The following ACVR1 variants were observed in gnomAD, a reference collection of about 807,000 sequenced individuals.
ACVR1 encodes the protein activin A receptor type 1, also known as activin receptor type-1.
Under a neutral mutation model 57.1 loss-of-function variants are expected in ACVR1, and 38 were observed. The observed-to-expected ratio is 0.67, with a 90% confidence interval of 0.51 to 0.87. ACVR1 has a LOEUF of 0.87. Ranked by LOEUF, ACVR1 falls within the 40% of genes least tolerant of loss-of-function variation. The probability of loss-of-function intolerance (pLI) is 0.00; values close to 1 mark genes in which losing one functional copy is unlikely to be tolerated. For synonymous variants in ACVR1, 212 were observed against 228.1 expected (o/e 0.93, Z 0.63); for missense variants, 463 against 638.2 (o/e 0.73, Z 2.96).
At chr2:157,853,690 ATAAG>A (rs1689405345) in intron 1 of ACVR1, among the ~76,000 whole-genome samples, 1 of 152,178 alleles carries the variant, frequency 6.6e-6, no homozygotes, top group African/African-American at 2.4e-5. Flanking sequence ...TTAGGAAGCA[ATAAG>A]TAGTCTTCAT....
chr2:157,834,667 A>G (rs958885751), intron 1 of ACVR1, among the ~76,000 whole-genome samples: 4 of 152,162 alleles, frequency 2.6e-5, no homozygotes, highest in African/African-American at 9.7e-5. Context: ...TCATATATAC[A>G]TATATAAAAA....
chr2:157,840,192 G>C (rs1376171690), intron 1 of ACVR1, among the ~76,000 whole-genome samples: 1 of 152,164 alleles, frequency 6.6e-6, no homozygotes, highest in Non-Finnish European at 1.5e-5. Context: ...GAAGTGGAGG[G>C]GAAATAACAG....
intron 2 of ACVR1, among the ~76,000 whole-genome samples, chr2:157,813,421 C>T (rs1272492742): frequency 2.0e-5 from 3 of 152,174 alleles, no homozygotes; most frequent in Non-Finnish European, 2.9e-5. Flanking sequence ...TTCTTTCCTT[C>T]TTCTTGGGTA....
intron 1 of ACVR1, chr2:157,874,775 G>A (rs755438427): frequency 7.2e-5 from 11 of 152,058 alleles, no homozygotes; most frequent in Non-Finnish European, 1.2e-4. Flanking sequence ...TGTATGGAAC[G>A]GGCCCCTTTG....
chr2:157,865,508 T>C (rs546115615), intron 1 of ACVR1, among the ~76,000 whole-genome samples: 10 of 152,066 alleles, frequency 6.6e-5, no homozygotes, highest in African/African-American at 2.4e-4. Context: ...GACAGACAGA[T>C]AGGCAGGGCG....
At chr2:157,794,342 T>A (rs1033349645) in intron 3 of ACVR1, among the ~76,000 whole-genome samples, 5 of 152,046 alleles carry the variant, frequency 3.3e-5, no homozygotes, top group African/African-American at 9.7e-5. Flanking sequence ...ATAATGAACA[T>A]GAAAAATGAT....
intron 2 of ACVR1, chr2:157,807,036 G>T (rs556471681): frequency 1.3e-5 from 2 of 152,252 alleles, no homozygotes; most frequent in South Asian, 4.1e-4. Flanking sequence ...TTTCAGGAAA[G>T]AATGGGTTTT....
chr2:157,791,325 A>G (rs1686903966), intron 3 of ACVR1, among the ~76,000 whole-genome samples: 1 of 152,200 alleles, frequency 6.6e-6, no homozygotes, highest in Non-Finnish European at 1.5e-5. Context: ...CAAACTCATA[A>G]TAAATTATTT....
chr2:157,852,021 A>G (rs1277928342), intron 1 of ACVR1, among the ~76,000 whole-genome samples: 1 of 151,768 alleles, frequency 6.6e-6, no homozygotes, highest in African/African-American at 2.4e-5. Flanking sequence ...CAGGCTGAAG[A>G]GGCAAGAGCA....
intron 9 of ACVR1, among the ~76,000 whole-genome samples, chr2:157,742,771 AG>A (rs1684827775): frequency 1.3e-5 from 2 of 152,296 alleles, no homozygotes; most frequent in South Asian, 4.1e-4. Flanking sequence ...TCAAATGTCC[AG>A]AAACAAGTCC....
rs7570565 is a variant in ACVR1 at position 157,767,877 on chromosome 2, C to T, written c.791-1681G>A. On this transcript the variant is annotated intron_variant, in intron 7 of 10. Coordinates refer to ENST00000434821, the MANE Select transcript of ACVR1 (RefSeq NM_001111067.4). ...TCCCCTATTTGATCATCATCATCAT[C>T]GGCAACCACAACAGAGGCAGCTAAT... 8.3e-3 allele frequency among the ~76,000 whole-genome samples: 1,259 copies of T among 152,216 alleles called. 8 individuals are homozygous for T. The highest frequency in any genetic ancestry group is 0.027 in the African/African-American group (1,131 of 41,546).
At chr2:157,773,130 T>C (rs577200374) in intron 6 of ACVR1, among the ~76,000 whole-genome samples, 3 of 151,574 alleles carry the variant, frequency 2.0e-5, no homozygotes, top group Admixed American at 2.0e-4. Context: ...TGTGGAGAGG[T>C]TGCCAACCCA....
At chr2:157,834,826 C>G (rs1002395524) in intron 1 of ACVR1, among the ~76,000 whole-genome samples, 3 of 152,100 alleles carry the variant, frequency 2.0e-5, no homozygotes, top group Non-Finnish European at 4.4e-5. Context: ...AGCAGGGCCT[C>G]GTGGGATGAG....
intron 8 of ACVR1, among the ~76,000 whole-genome samples, chr2:157,762,153 T>C (rs1309016028): frequency 6.6e-6 from 1 of 152,198 alleles, no homozygotes; most frequent in Non-Finnish European, 1.5e-5. Context: ...CTGTGAACAT[T>C]TCCCAAATCC....
intron 1 of ACVR1, among the ~76,000 whole-genome samples, chr2:157,843,964 A>C (rs1287520067): frequency 6.6e-6 from 1 of 152,238 alleles, no homozygotes; most frequent in Non-Finnish European, 1.5e-5. Flanking sequence ...AGCTATTCGC[A>C]GATAATCTTG....
Position 157,761,316 on chromosome 2 carries a change from GAC to G in ACVR1, c.1067-241_1067-240del, listed in dbSNP as rs986718773. On this transcript the variant is annotated intron_variant, in intron 8 of 10. Transcript: ENST00000434821. ...CAGGTTAATATATGAACCTCAAAGA[GAC>G]AAAAAGTTTTGGGTAAATTGTAGAC... 7.2e-5 allele frequency among the ~76,000 whole-genome samples: 11 copies of G among 152,120 alleles called. 1 individual carries two copies. The highest frequency in any genetic ancestry group is 7.2e-4 in the Admixed American group (11 of 15,266).
chr2:157,809,861 G>A (rs1687690166), intron 2 of ACVR1, among the ~76,000 whole-genome samples: 1 of 152,072 alleles, frequency 6.6e-6, no homozygotes, highest in South Asian at 2.1e-4. Flanking sequence ...GATCACTTGA[G>A]CCCAGGATCT....
In ACVR1 at chr2:157,758,954, G is replaced by T. The variant is rs1000630133; in HGVS notation, c.1264+1926C>A. Among the ~76,000 whole-genome samples, 3 of 151,856 alleles carry T rather than the reference G, an allele frequency of 2.0e-5. No individual in the cohort carries two copies. The South Asian group carries it at 6.2e-4, about 32-fold the overall frequency. On this transcript the variant is annotated intron_variant, in intron 9 of 10. Transcript: ENST00000434821. ...AAAAATTCTTGAAACAAATAAAAAC[G>T]GAAACATAACATACCAAAGTCAATC...
At chr2:157,753,934 T>C (rs1420473355) in intron 9 of ACVR1, among the ~76,000 whole-genome samples, 3 of 152,068 alleles carry the variant, frequency 2.0e-5, no homozygotes, top group Non-Finnish European at 4.4e-5. Flanking sequence ...TGAAATAAAA[T>C]TGGAAATCAA....
Sources: allele counts gnomAD v4.1 joint callset (sites outside exome capture counted in the v4.1 genomes callset), GRCh38; gene constraint gnomAD v4.1.1; transcripts MANE v1.5; gene names NCBI Gene and HGNC (gene_info 2026-07-23, HGNC 2026-07-21).